The following CCDC175 variants were observed in gnomAD, a reference collection of about 807,000 sequenced individuals.
CCDC175 encodes coiled-coil domain containing 175, also known as coiled-coil domain-containing protein 175.
Under a neutral mutation model 114.6 loss-of-function variants are expected in CCDC175, and 100 were observed. The ratio of observed to expected loss-of-function variants is 0.87; its 90% CI spans 0.74 to 1.03. CCDC175 has a LOEUF of 1.03. Among genes scored for constraint, CCDC175 ranks in the 50% least tolerant of loss-of-function variants. CCDC175 has a pLI of 0.00. For missense variants in CCDC175, 880 were observed against 917.8 expected (o/e 0.96, Z 0.53); for synonymous variants, 306 against 308.7 (o/e 0.99, Z 0.09).
chr14:59,567,378 C>T lies in CCDC175; in HGVS notation c.491+867G>A, dbSNP rs1037781981. Among the ~76,000 whole-genome samples, 11 of 152,158 alleles carry T rather than the reference C, an allele frequency of 7.2e-5. 1 individual carries two copies. The highest frequency in any genetic ancestry group is 7.2e-4 in the Admixed American group (11 of 15,268). The stretch of plus-strand genomic sequence containing the variant: ...TCAATGTCCCTGGGTCTTGAGGTCT[C>T]TAGCTGATTTCTGATGTTTATTATC... On this transcript the variant is annotated intron_variant, in intron 4 of 19. Coordinates refer to ENST00000537690, the MANE Select transcript of CCDC175 (RefSeq NM_001164399.2).
At chr14:59,518,784 G>C (rs1893256757) in intron 17 of CCDC175, among the ~76,000 whole-genome samples, 1 of 152,078 alleles carries the variant, frequency 6.6e-6, no homozygotes, top group Non-Finnish European at 1.5e-5. Context: ...TCTAGAACTA[G>C]AAATACCATT....
intron 16 of CCDC175, among the ~76,000 whole-genome samples, chr14:59,523,147 T>A (rs1893520105): frequency 6.6e-6 from 1 of 152,226 alleles, no homozygotes; most frequent in South Asian, 2.1e-4. Flanking sequence ...ATTCCAATTC[T>A]TTTAAGAAAT....
intron 3 of CCDC175, among the ~76,000 whole-genome samples, 177 bp downstream of exon 3, chr14:59,572,525 A>G (rs1331959442): frequency 1.3e-5 from 2 of 152,222 alleles, no homozygotes; most frequent in Admixed American, 1.3e-4. Context: ...AGTGTTATAT[A>G]TACTATTTCC....
rs546512240 is a variant in CCDC175, at chr14:59,562,307, C to T, written c.844-1079G>A. Among the ~76,000 whole-genome samples the T allele has an allele frequency of 3.2e-3, 20 of 6,164 alleles. No homozygotes were observed. The South Asian group carries it at 0.45, about 139-fold the overall frequency. 4.0% of individuals were successfully genotyped at this position (6,164 alleles called of 152,430 possible). ...CAATGTTACCTGGCTGCAGAGACGT[C>T]CCATGTGAGTTAATCTGAAATTCCT... On this transcript the variant is annotated intron_variant, in intron 6 of 19. Transcript: ENST00000537690.
chr14:59,552,208 A>T (rs1435436256), intron 7 of CCDC175, among the ~76,000 whole-genome samples: 2 of 152,198 alleles, frequency 1.3e-5, no homozygotes, highest in African/African-American at 4.8e-5. Flanking sequence ...CCTATCCAGG[A>T]GGCACCTCCC....
chr14:59,555,214 A>G (rs1220354393), intron 7 of CCDC175, among the ~76,000 whole-genome samples: 6 of 152,238 alleles, frequency 3.9e-5, no homozygotes, highest in African/African-American at 9.6e-5. Flanking sequence ...AAAAATCCTC[A>G]ATAAAATACT....
intron 12 of CCDC175, among the ~76,000 whole-genome samples, chr14:59,538,502 T>C (rs965530986): frequency 6.6e-6 from 1 of 152,252 alleles, no homozygotes; most frequent in African/African-American, 2.4e-5. Context: ...TTCAAAAGCA[T>C]ATTCTACTGT....
chr14:59,535,137 T>C (rs1328789983), intron 13 of CCDC175, among the ~76,000 whole-genome samples: 1 of 152,190 alleles, frequency 6.6e-6, no homozygotes, highest in Non-Finnish European at 1.5e-5. Context: ...TTATTGGTGC[T>C]GATTATCGAG....
In CCDC175 at chr14:59,538,111, AT is replaced by A. The variant is rs1193385061; in HGVS notation, c.1534del (p.Ile512LeufsTer8). On this transcript the variant is annotated frameshift_variant, in exon 13 of 20. Coordinates refer to ENST00000537690, the MANE Select transcript of CCDC175 (RefSeq NM_001164399.2). LOFTEE classifies it high-confidence loss of function. The stretch of plus-strand genomic sequence containing the variant: ...TTTTAATTCTGTTGTAAGTTTTTCA[AT>A]CTGTGCCACAAATCCACTGATCTCC... ...QQEISGFVAQIEKLTTELKEE... is the reference protein window; with the variant it reads ...QQEISGFVAQXEKLTTELKEE... 2.0e-6 allele frequency: 3 copies of A among 1,534,710 alleles called. No individual in the cohort carries two copies. Among genetic ancestry groups the A allele is most frequent in the Middle Eastern group, 1.7e-4 (1 of 5,974 alleles).
intron 16 of CCDC175, 76 bp downstream of exon 16, chr14:59,525,206 C>A (rs1893673509): frequency 8.8e-7 from 1 of 1,135,872 alleles, no homozygotes; most frequent in Non-Finnish European, 1.2e-6. Context: ...CTATTCTCTT[C>A]TTTTCTCTTA....
At chr14:59,516,233 CA>C (rs1893077343) in intron 17 of CCDC175, among the ~76,000 whole-genome samples, 2 of 152,126 alleles carry the variant, frequency 1.3e-5, no homozygotes, top group South Asian at 4.1e-4. Flanking sequence ...CTAAAATTGA[CA>C]CCCTAACATC....
At chr14:59,535,809 C>A (rs757598590) in intron 13 of CCDC175, among the ~76,000 whole-genome samples, 2 of 152,230 alleles carry the variant, frequency 1.3e-5, no homozygotes, top group Non-Finnish European at 2.9e-5. Context: ...CCCTTGAAGG[C>A]GGACTCGCCA....
intron 5 of CCDC175, 131 bp downstream of exon 5, chr14:59,564,915 GT>G: frequency 1.5e-6 from 1 of 670,348 alleles, no homozygotes; most frequent in Non-Finnish European, 2.5e-6. Flanking sequence ...CGCTCATCCC[GT>G]TTTCCCAGCG....
At chr14:59,505,772 T>C (rs1328720188) in intron 19 of CCDC175, among the ~76,000 whole-genome samples, 1 of 152,222 alleles carries the variant, frequency 6.6e-6, no homozygotes, top group East Asian at 1.9e-4. Flanking sequence ...TAGGCCCTTG[T>C]AGCACATCAC....
rs1427055185 is a variant in CCDC175 at position 59,561,211 on chromosome 14, A to G, written c.861T>C (p.Asn287=). 6.5e-7 allele frequency: 1 copy of G among 1,531,622 alleles called. No individual in the cohort carries two copies. The highest frequency in any genetic ancestry group is 8.8e-7 in the Non-Finnish European group (1 of 1,142,290). The allele number at this position is 1,531,622 out of a possible 1,614,324, so 94.9% of individuals were successfully genotyped here. A position where few individuals can be genotyped will look rare whatever the true frequency, so the allele number is the denominator to read the frequency against. Residue 287 remains asparagine, a synonymous_variant, in exon 7 of 20, where the codon AAT becomes AAC. Coordinates refer to ENST00000537690, the MANE Select transcript of CCDC175 (RefSeq NM_001164399.2). ...ATTCGTGTAGTCGTGCTATCTCTAA[A>G]TTGTGATCACTAAGAACCTATTAAA... ...TVSAAVLSDH[N]LEIARLHESI... is the part of the protein sequence containing the mutation.
chr14:59,516,697 A>G (rs1353967528), intron 17 of CCDC175, among the ~76,000 whole-genome samples: 1 of 152,232 alleles, frequency 6.6e-6, no homozygotes, highest in Non-Finnish European at 1.5e-5. Flanking sequence ...AACCAAAAAA[A>G]GTCCAGGACC....
intron 17 of CCDC175, among the ~76,000 whole-genome samples, chr14:59,512,805 GGT>G (rs140076678): frequency 0.41 from 58,641 of 144,076 alleles, 12,238 homozygotes; most frequent in East Asian, 0.59. Context: ...TCTCAGCAGG[GGT>G]GTGTGTGTGT....
At chr14:59,530,811 C>G (rs1166685911) in intron 14 of CCDC175, among the ~76,000 whole-genome samples, 1 of 152,170 alleles carries the variant, frequency 6.6e-6, no homozygotes, top group South Asian at 2.1e-4. Context: ...TCTTTGCTAA[C>G]CAGTAGACAA....
At chr14:59,512,459 G>C (rs778007383) in intron 17 of CCDC175, among the ~76,000 whole-genome samples, 5 of 152,204 alleles carry the variant, frequency 3.3e-5, no homozygotes, top group Non-Finnish European at 5.9e-5. Flanking sequence ...GTCACACGTT[G>C]TTGGGGAAAT....
Sources: gnomAD v4.1 joint callset for allele counts (sites outside exome capture counted in the v4.1 genomes callset) on GRCh38, gnomAD v4.1.1 for gene constraint, MANE v1.5 for transcripts, NCBI Gene and HGNC (gene_info 2026-07-23, HGNC 2026-07-21) for gene names.